Variants in NEMP2 observed in about 807,000 individuals in gnomAD.
NEMP2 encodes nuclear envelope integral membrane protein 2.
In NEMP2, 53 loss-of-function variants were observed where a neutral mutation model predicts 54.2. That is an observed-to-expected ratio of 0.98 (90% CI 0.78 to 1.23). The LOEUF (loss-of-function observed/expected upper bound fraction) is 1.23. Ranked by LOEUF, NEMP2 falls within the 50% of genes most tolerant of loss-of-function variation. The probability of loss-of-function intolerance (pLI) is 0.00; values close to 1 mark genes in which losing one functional copy is unlikely to be tolerated. For missense variants in NEMP2, 455 were observed against 511.3 expected (o/e 0.89, Z 1.06); for synonymous variants, 197 against 190.3 (o/e 1.04, Z -0.29).
chr2:190,516,062 A>G lies in NEMP2; in HGVS notation c.727+208T>C, dbSNP rs548668819. ...ACTACAGAAAACTAAGAAACATGTC[A>G]TAGGGAAATCATCTAAAATGAGATC... is the stretch of plus-strand genomic sequence containing the variant. On this transcript the variant is annotated intron_variant, in intron 6 of 8. Transcript: ENST00000409150. 2.6e-5 allele frequency among the ~76,000 whole-genome samples: 4 copies of G among 152,316 alleles called. No individual in the cohort carries two copies. In the South Asian group the frequency reaches 8.3e-4, roughly 32 times the overall value.
chr2:190,462,747 C>T, the NEMP2 span, among the ~76,000 whole-genome samples: 1 of 152,142 alleles, frequency 6.6e-6, no homozygotes, highest in African/African-American at 2.4e-5. This position sits in a 1 kb window ranked among gnomAD's most constrained non-coding sequence, Gnocchi z 5.7. Context: ...TCAGAGGTAC[C>T]AGTGCCCCAA....
the NEMP2 span, among the ~76,000 whole-genome samples, chr2:190,427,412 CGAAGTT>C: frequency 2.0e-5 from 3 of 151,932 alleles, no homozygotes; most frequent in Non-Finnish European, 4.4e-5. Context: ...TGGCTGCAGT[CGAAGTT>C]ATTATCTAAA....
chr2:190,595,176 G>A, the NEMP2 span, among the ~76,000 whole-genome samples: 1 of 152,076 alleles, frequency 6.6e-6, no homozygotes, highest in South Asian at 2.1e-4. This position sits in a 1 kb window ranked among gnomAD's most constrained non-coding sequence, Gnocchi z 4.0. Flanking sequence ...TTTAATAAAT[G>A]GTGTTGGGAA....
At chr2:190,596,117 G>A in the NEMP2 span, among the ~76,000 whole-genome samples, 6 of 152,146 alleles carry the variant, frequency 3.9e-5, no homozygotes, top group Admixed American at 3.3e-4. This position sits in a 1 kb window ranked among gnomAD's most constrained non-coding sequence, Gnocchi z 5.1. Context: ...AATGAAGCTG[G>A]AAACCATCAT....
chr2:190,590,910 C>A, the NEMP2 span, among the ~76,000 whole-genome samples: 14 of 152,080 alleles, frequency 9.2e-5, no homozygotes, highest in African/African-American at 3.4e-4. The surrounding 1 kb of genome is among the most constrained non-coding windows in gnomAD (Gnocchi z 5.1). Flanking sequence ...CTTCATAGTT[C>A]TTGGCTATAT....
At chr2:190,474,134 C>G in the NEMP2 span, among the ~76,000 whole-genome samples, 2 of 151,680 alleles carry the variant, frequency 1.3e-5, no homozygotes, top group Non-Finnish European at 2.9e-5. Flanking sequence ...AAATTGACGC[C>G]CTAACATCAC....
At chr2:190,546,056 T>G in the NEMP2 span, among the ~76,000 whole-genome samples, 7 of 152,338 alleles carry the variant, frequency 4.6e-5, no homozygotes, top group East Asian at 1.3e-3. The surrounding 1 kb of genome is among the most constrained non-coding windows in gnomAD (Gnocchi z 5.1). Flanking sequence ...AATCTATTTG[T>G]TCTACACTGT....
chr2:190,636,598 T>G, the NEMP2 span, among the ~76,000 whole-genome samples: 1 of 152,348 alleles, frequency 6.6e-6, no homozygotes, highest in Middle Eastern at 3.4e-3. Context: ...ACTCACAGGC[T>G]GAGAATGCCC....
chr2:190,518,830 A>G (rs1690654765), intron 3 of NEMP2, 22 bp from the exon 4 acceptor site: 1 of 1,531,724 alleles, frequency 6.5e-7, no homozygotes, highest in Admixed American at 2.2e-5. Flanking sequence ...AAGACACACA[A>G]ACACATAACA....
chr2:190,516,439 A>C, intron 5 of NEMP2, 55 bp from the exon 6 acceptor site: 1 of 1,288,972 alleles, frequency 7.8e-7, no homozygotes, highest in Non-Finnish European at 1.1e-6. Context: ...CTCTCATAAA[A>C]ATAAAAGCAA....
At chr2:190,488,858 A>G in the NEMP2 span, 1 of 1,491,914 alleles carries the variant, frequency 6.7e-7, no homozygotes, top group African/African-American at 1.4e-5. The surrounding 1 kb of genome is among the most constrained non-coding windows in gnomAD (Gnocchi z 6.4). Context: ...TTCTATTATT[A>G]AAACATGATT....
At position 190,509,388 on chromosome 2, in the gene NEMP2, C is replaced by G; in HGVS notation, c.1131-76G>C. The G allele has an allele frequency of 6.8e-7, 1 of 1,465,540 alleles. No individual in the cohort carries two copies. Among genetic ancestry groups the G allele is most frequent in the African/African-American group, 1.4e-5 (1 of 70,814 alleles). The allele number at this position is 1,465,540 out of a possible 1,614,324, so 90.8% of individuals were successfully genotyped here. On this transcript the variant is annotated intron_variant, in intron 8 of 8. Coordinates refer to ENST00000409150, the MANE Select transcript of NEMP2 (RefSeq NM_001142645.2). This position sits in a 1 kb window ranked among gnomAD's most constrained non-coding sequence, Gnocchi z 6.1. ...ATTTGAAAGATAACATGTTCCCTTG[C>G]TATTTATCCCCTTTAATTAAATTTG...
the NEMP2 span, among the ~76,000 whole-genome samples, chr2:190,549,780 T>C: frequency 6.6e-6 from 1 of 152,140 alleles, no homozygotes; most frequent in Non-Finnish European, 1.5e-5. Flanking sequence ...TATGGTTCCT[T>C]CCCTAGACAT....
chr2:190,520,893 C>T lies in NEMP2; in HGVS notation c.214-1710G>A, dbSNP rs190514115. Among the ~76,000 whole-genome samples, 1 of 152,230 alleles carries T rather than the reference C, an allele frequency of 6.6e-6. No individual in the cohort carries two copies. The highest frequency in any genetic ancestry group is 6.5e-5 in the Admixed American group (1 of 15,288). On this transcript the variant is annotated intron_variant, in intron 2 of 8. Coordinates refer to ENST00000409150, the MANE Select transcript of NEMP2 (RefSeq NM_001142645.2). The surrounding 1 kb of genome is among the most constrained non-coding windows in gnomAD (Gnocchi z 5.4). Reference sequence around the variant, plus strand: ...CTCCTGCTCCTTACCCTCCTAATATCCTCAATCTCTTTTTAGCCACCTAAA... The same window carrying T: ...CTCCTGCTCCTTACCCTCCTAATATTCTCAATCTCTTTTTAGCCACCTAAA...
At chr2:190,587,411 G>T in the NEMP2 span, among the ~76,000 whole-genome samples, 11 of 152,118 alleles carry the variant, frequency 7.2e-5, no homozygotes, top group African/African-American at 2.2e-4. This position sits in a 1 kb window ranked among gnomAD's most constrained non-coding sequence, Gnocchi z 5.4. Flanking sequence ...GCAAAAACAC[G>T]GATACTCTGG....
the NEMP2 span, among the ~76,000 whole-genome samples, chr2:190,539,819 G>C: frequency 6.6e-6 from 1 of 152,000 alleles, no homozygotes; most frequent in South Asian, 2.1e-4. The surrounding 1 kb of genome is among the most constrained non-coding windows in gnomAD (Gnocchi z 4.1). Flanking sequence ...AGGTTTTTTT[G>C]TGGAATCTTT....
the NEMP2 span, among the ~76,000 whole-genome samples, chr2:190,578,529 G>C: frequency 6.6e-6 from 1 of 152,104 alleles, no homozygotes; most frequent in South Asian, 2.1e-4. The surrounding 1 kb of genome is among the most constrained non-coding windows in gnomAD (Gnocchi z 4.4). Context: ...AATAAAATAA[G>C]TACGGGTGAT....
the NEMP2 span, among the ~76,000 whole-genome samples, chr2:190,445,727 G>A: frequency 6.6e-6 from 1 of 152,066 alleles, no homozygotes; most frequent in East Asian, 1.9e-4. Context: ...CATTTGCAGA[G>A]TCAGTTGGAA....
chr2:190,632,013 G>A, the NEMP2 span, among the ~76,000 whole-genome samples: 5 of 152,050 alleles, frequency 3.3e-5, no homozygotes, highest in South Asian at 4.1e-4. The surrounding 1 kb of genome is among the most constrained non-coding windows in gnomAD (Gnocchi z 4.8). Context: ...CTGAGATAAC[G>A]CCACTGCACT....
Sources: gnomAD v4.1 joint callset for allele counts (sites outside exome capture counted in the v4.1 genomes callset) on GRCh38, gnomAD v4.1.1 for gene constraint, Gnocchi (gnomAD v3.1) non-coding constraint, MANE v1.5 for transcripts, NCBI Gene and HGNC (gene_info 2026-07-23, HGNC 2026-07-21) for gene names.